HS3ST2: variants seen among roughly 807,000 people sequenced by gnomAD.
HS3ST2 encodes heparan sulfate glucosamine 3-O-sulfotransferase 2.
In HS3ST2, 17 loss-of-function variants were observed where a neutral mutation model predicts 26.3. That is an observed-to-expected ratio of 0.65 (90% CI 0.44 to 0.97). The LOEUF is 0.97. Among genes scored for constraint, HS3ST2 ranks in the 50% least tolerant of loss-of-function variants. The pLI is 0.00. For synonymous variants in HS3ST2, 237 were observed against 219.2 expected (o/e 1.08, Z -0.72); for missense variants, 402 against 501.2 (o/e 0.80, Z 1.89).
chr16:22,915,761 TTC>T lies in HS3ST2; in HGVS notation c.*200_*201del. ...CCTGCCACTAGTTTTCATCAGTCTG[TTC>T]AAGCAAAGTTGATCTGCTCCTGGCA... On this transcript the variant is annotated 3_prime_UTR_variant, in exon 2 of 2. Transcript: ENST00000261374. 1.6e-6 allele frequency: 1 copy of T among 611,046 alleles called. No homozygotes were observed. 37.9% of individuals were successfully genotyped at this position (611,046 alleles called of 1,614,324 possible).
At chr16:22,848,076 C>T (rs1246150892) in intron 1 of HS3ST2, among the ~76,000 whole-genome samples, 1 of 152,154 alleles carries the variant, frequency 6.6e-6, no homozygotes, top group African/African-American at 2.4e-5. Flanking sequence ...TTAATGTGTC[C>T]TTTTCCTTCA....
chr16:22,885,671 G>T (rs1902050007), intron 1 of HS3ST2, among the ~76,000 whole-genome samples: 1 of 152,042 alleles, frequency 6.6e-6, no homozygotes, highest in Non-Finnish European at 1.5e-5. Context: ...GGCCAGGCTG[G>T]TCTCAAACTC....
At chr16:22,856,897 C>T (rs557651755) in intron 1 of HS3ST2, among the ~76,000 whole-genome samples, 9 of 152,272 alleles carry the variant, frequency 5.9e-5, no homozygotes, top group Non-Finnish European at 1.3e-4. Flanking sequence ...TTTCCACGCT[C>T]AGATCTGATG....
chr16:22,847,009 C>T (rs1901443152), intron 1 of HS3ST2, among the ~76,000 whole-genome samples: 1 of 152,086 alleles, frequency 6.6e-6, no homozygotes, highest in Admixed American at 6.6e-5. Flanking sequence ...GTTAGGGGTA[C>T]ACGTGCAGGT....
rs553110580 is a variant in HS3ST2, at chr16:22,869,665, A to G, written c.486-45279A>G. Among the ~76,000 whole-genome samples the G allele has an allele frequency of 1.0e-3, 155 of 152,318 alleles. 4 individuals are homozygous for G. In the South Asian group the frequency reaches 0.032, roughly 31 times the overall value. On this transcript the variant is annotated intron_variant, in intron 1 of 1. Transcript: ENST00000261374. ...ATCAGATCTGTGAGACTCATTTACT[A>G]ACATGAGAACAGCGCAGGAAAGACC...
At chr16:22,911,194 A>C (rs1027543860) in intron 1 of HS3ST2, among the ~76,000 whole-genome samples, 3 of 152,232 alleles carry the variant, frequency 2.0e-5, no homozygotes, top group African/African-American at 7.2e-5. Flanking sequence ...TTGGCAACCC[A>C]GGGACAGAAC....
chr16:22,892,910 T>C (rs1902149657), intron 1 of HS3ST2, among the ~76,000 whole-genome samples: 1 of 152,222 alleles, frequency 6.6e-6, no homozygotes, highest in South Asian at 2.1e-4. Context: ...TTAAAATCCT[T>C]TTGGGATCTG....
At chr16:22,838,369 A>G (rs1487285511) in intron 1 of HS3ST2, among the ~76,000 whole-genome samples, 1 of 152,090 alleles carries the variant, frequency 6.6e-6, no homozygotes, top group East Asian at 1.9e-4. Context: ...CACCTTTCAG[A>G]TGCAAGCATG....
Position 22,900,195 on chromosome 16 carries a change from G to A in HS3ST2, c.486-14749G>A, listed in dbSNP as rs1182689218. On this transcript the variant is annotated intron_variant, in intron 1 of 1. Coordinates refer to ENST00000261374, the MANE Select transcript of HS3ST2 (RefSeq NM_006043.2). ...AAGGGGTAGGAGTGGCCCCATCAGA[G>A]GAAGGATAGAAAGCTTGTCTGGGAG... Among the ~76,000 whole-genome samples, 3 of 152,320 alleles carry A rather than the reference G, an allele frequency of 2.0e-5. No homozygotes were observed. In the East Asian group the frequency reaches 5.8e-4, roughly 29 times the overall value.
intron 1 of HS3ST2, among the ~76,000 whole-genome samples, chr16:22,886,703 T>G (rs1484949020): frequency 1.3e-5 from 2 of 152,224 alleles, no homozygotes; most frequent in African/African-American, 4.8e-5. Context: ...ATTTACTCTG[T>G]TTTCCTTTGC....
At chr16:22,845,111 C>T (rs1901413160) in intron 1 of HS3ST2, among the ~76,000 whole-genome samples, 1 of 148,156 alleles carries the variant, frequency 6.7e-6, no homozygotes. Flanking sequence ...GCCTCGGCCT[C>T]CCAAAGTGTT....
At chr16:22,833,230 C>A (rs1205630769) in intron 1 of HS3ST2, 1 of 455,954 alleles carries the variant, frequency 2.2e-6, no homozygotes, top group Non-Finnish European at 4.4e-6. Flanking sequence ...TCTTCCATAA[C>A]CCCCATTTTT....
chr16:22,862,606 A>T (rs1192562175), intron 1 of HS3ST2, among the ~76,000 whole-genome samples: 2 of 152,088 alleles, frequency 1.3e-5, no homozygotes, highest in Admixed American at 1.3e-4. Flanking sequence ...ATCAGAGTTC[A>T]TTTTCAGGAA....
intron 1 of HS3ST2, among the ~76,000 whole-genome samples, chr16:22,847,342 G>GGT (rs528308400): frequency 9.2e-5 from 14 of 152,120 alleles, no homozygotes; most frequent in Admixed American, 7.9e-4. Flanking sequence ...AGAATTCCAT[G>GGT]GTGTATATAT....
At chr16:22,865,497 A>G (rs946362410) in intron 1 of HS3ST2, among the ~76,000 whole-genome samples, 3 of 151,344 alleles carry the variant, frequency 2.0e-5, no homozygotes, top group African/African-American at 7.3e-5. Context: ...CGGAGGTTGC[A>G]GTGAGCCGAG....
At chr16:22,820,019 C>G (rs1900965132) in intron 1 of HS3ST2, among the ~76,000 whole-genome samples, 1 of 152,210 alleles carries the variant, frequency 6.6e-6, no homozygotes, top group Non-Finnish European at 1.5e-5. Context: ...TGGGTGTGCA[C>G]ATAGATGAAT....
intron 1 of HS3ST2, among the ~76,000 whole-genome samples, chr16:22,859,581 G>C (rs1901647563): frequency 1.3e-5 from 2 of 152,106 alleles, no homozygotes; most frequent in Admixed American, 6.6e-5. Context: ...TATCTCAAAG[G>C]CTTCCTTCTT....
chr16:22,913,720 GC>G (rs1902454862), intron 1 of HS3ST2, among the ~76,000 whole-genome samples: 1 of 152,318 alleles, frequency 6.6e-6, no homozygotes, highest in South Asian at 2.1e-4. Flanking sequence ...GTAATTCTTA[GC>G]CAGGTGCAGT....
At chr16:22,860,168 AAG>A (rs1901655023) in intron 1 of HS3ST2, among the ~76,000 whole-genome samples, 1 of 152,140 alleles carries the variant, frequency 6.6e-6, no homozygotes, top group South Asian at 2.1e-4. Context: ...TTATAAAGGA[AAG>A]AGGTTTAATG....
Sources: gnomAD v4.1 joint callset for allele counts (sites outside exome capture counted in the v4.1 genomes callset) on GRCh38, gnomAD v4.1.1 for gene constraint, MANE v1.5 for transcripts, NCBI Gene and HGNC (gene_info 2026-07-23, HGNC 2026-07-21) for gene names.